Variants in C14orf39 observed in about 807,000 individuals in gnomAD.
The protein encoded by C14orf39 is protein SIX6OS1.
A neutral mutation model predicts 85.6 loss-of-function variants in C14orf39; 66 were observed. The observed-to-expected ratio is 0.77, with a 90% CI of 0.63 to 0.95. The LOEUF (loss-of-function observed/expected upper bound fraction) is 0.95. Among genes scored for constraint, C14orf39 ranks in the 40% least tolerant of loss-of-function variants. C14orf39 has a pLI of 0.00. For synonymous variants in C14orf39, 242 were observed against 214.0 expected, an observed-to-expected ratio of 1.13 and a Z score of -1.14; for missense variants, 735 against 663.9, an observed-to-expected ratio of 1.11 and a Z score of -1.18.
At chr14:60,479,572 A>G (rs1892542858) in intron 4 of C14orf39, among the ~76,000 whole-genome samples, 1 of 152,158 alleles carries the variant, frequency 6.6e-6, no homozygotes, top group African/African-American at 2.4e-5. Flanking sequence ...ATTCCATAAA[A>G]CATACATGTT....
At chr14:60,514,625 G>C (rs918947266) in intron 1 of C14orf39, among the ~76,000 whole-genome samples, 1 of 152,154 alleles carries the variant, frequency 6.6e-6, no homozygotes, top group Non-Finnish European at 1.5e-5. Flanking sequence ...GGGAGGGAGG[G>C]GAGAAGACGA....
rs997994209 is a variant in C14orf39, at chr14:60,436,775, A to G, written c.*70T>C. ...TAAAAGAAAGCAGTCTTCATGTTTT[A>G]AGCAATAATGTAAATTTATGCCCTC... On this transcript the variant is annotated 3_prime_UTR_variant, in exon 18 of 18. Transcript: ENST00000321731. The G allele has an allele frequency of 2.5e-5, 25 of 980,590 alleles. No individual in the cohort carries two copies. The Admixed American group carries it at 3.6e-4, about 14-fold the overall frequency. 60.7% of individuals were successfully genotyped at this position (980,590 alleles called of 1,614,324 possible).
intron 1 of C14orf39, among the ~76,000 whole-genome samples, chr14:60,505,902 G>A (rs565063851): frequency 6.6e-6 from 1 of 152,264 alleles, no homozygotes; most frequent in South Asian, 2.1e-4. Flanking sequence ...AGTAGGGGCA[G>A]AGCGAGGAGT....
At chr14:60,495,783 T>C (rs928733156) in intron 2 of C14orf39, 7 of 252,088 alleles carry the variant, frequency 2.8e-5, no homozygotes, top group Non-Finnish European at 5.6e-5. Context: ...AATTTGTGCT[T>C]GTAGACGATG....
At chr14:60,497,976 C>T (rs1595494955) in intron 2 of C14orf39, among the ~76,000 whole-genome samples, 2 of 152,196 alleles carry the variant, frequency 1.3e-5, no homozygotes, top group East Asian at 1.9e-4. Context: ...GTTTCTATTG[C>T]CTGCAGCTAC....
At position 60,470,110 on chromosome 14, in the gene C14orf39, C is replaced by T. The variant is rs540345577; in HGVS notation, c.555-457G>A. On this transcript the variant is annotated intron_variant, in intron 7 of 17. Coordinates refer to ENST00000321731, the MANE Select transcript of C14orf39 (RefSeq NM_174978.3). ...ACAGTATGCTGGAGAAAAACAAAAT[C>T]GACCAAATTTCCCTTTTCTTGCTCT... 2.0e-5 allele frequency among the ~76,000 whole-genome samples: 3 copies of T among 151,732 alleles called. No homozygotes were observed. The South Asian group carries it at 6.2e-4, about 32-fold the overall frequency.
chr14:60,452,143 T>G (rs1407448138), intron 16 of C14orf39, among the ~76,000 whole-genome samples: 1 of 143,362 alleles, frequency 7.0e-6, no homozygotes, highest in Admixed American at 7.2e-5. Flanking sequence ...GCCGACATTG[T>G]GCCAACTGCA....
chr14:60,437,936 T>C (rs1024289794), intron 17 of C14orf39, among the ~76,000 whole-genome samples: 1 of 151,606 alleles, frequency 6.6e-6, no homozygotes, highest in Non-Finnish European at 1.5e-5. Flanking sequence ...ACTTATTATA[T>C]TACTTATTAA....
intron 17 of C14orf39, among the ~76,000 whole-genome samples, chr14:60,437,488 G>A (rs1343719402): frequency 6.6e-6 from 1 of 151,946 alleles, no homozygotes; most frequent in Non-Finnish European, 1.5e-5. Flanking sequence ...ATCCCACTAT[G>A]GAATCTGGAC....
upstream of C14orf39, among the ~76,000 whole-genome samples, chr14:60,486,989 A>G (rs1181402111): frequency 6.6e-6 from 1 of 152,102 alleles, no homozygotes; most frequent in African/African-American, 2.4e-5. Context: ...TTGAGGCATA[A>G]TTGACAAATA....
At chr14:60,481,998 C>T (rs1892660656) in intron 4 of C14orf39, among the ~76,000 whole-genome samples, 2 of 152,180 alleles carry the variant, frequency 1.3e-5, no homozygotes, top group South Asian at 2.1e-4. Context: ...GAAAGACCTT[C>T]CTCTCTCAAA....
At chr14:60,449,159 C>T (rs551642618) in intron 16 of C14orf39, among the ~76,000 whole-genome samples, 15 of 152,258 alleles carry the variant, frequency 9.9e-5, no homozygotes, top group African/African-American at 3.4e-4. Context: ...ATGTTGTGCA[C>T]ATTACCCTAG....
intron 16 of C14orf39, among the ~76,000 whole-genome samples, chr14:60,442,963 C>T (rs1333933300): frequency 6.6e-6 from 1 of 152,024 alleles, no homozygotes; most frequent in Non-Finnish European, 1.5e-5. Context: ...CGTTAATTAA[C>T]TATTTGCAAT....
chr14:60,456,623 A>C (rs553690566), intron 15 of C14orf39, among the ~76,000 whole-genome samples: 2 of 152,100 alleles, frequency 1.3e-5, no homozygotes, highest in South Asian at 4.2e-4. Context: ...TTGCTTTATA[A>C]GTACGTGGGA....
At chr14:60,482,309 A>G (rs915887214) in intron 4 of C14orf39, among the ~76,000 whole-genome samples, 2 of 152,220 alleles carry the variant, frequency 1.3e-5, no homozygotes, top group African/African-American at 4.8e-5. Flanking sequence ...TCAAAATAAA[A>G]GAAAATGGTC....
chr14:60,468,533 T>C lies in C14orf39; in HGVS notation c.679A>G (p.Ile227Val), dbSNP rs747765539. 2 of 1,560,120 alleles carry C rather than the reference T, an allele frequency of 1.3e-6. No individual in the cohort carries two copies. Among genetic ancestry groups the C allele is most frequent in the Non-Finnish European group, 1.7e-6 (2 of 1,150,948 alleles). Residue 227 changes from isoleucine (I) to valine (V), a missense_variant, in exon 9 of 18, where the codon ATA becomes GTA. Ile to Val is a conservative substitution (Grantham distance 29). Transcript: ENST00000321731. ...GCCTTAGTTTCATTATGCCTAGATA[T>C]CTGCTAAAAAGACAATTGGGAACAC... ...EIEINYLNQQ[I>V]SRHNETKALS...
Position 60,466,922 on chromosome 14 carries a change from A to G in C14orf39, c.890T>C (p.Val297Ala). ...PIKMHSSEPRVADIKEESSAK... is the reference protein window; with the variant it reads ...PIKMHSSEPRAADIKEESSAK... ...ATAACAAACAGATATTATACCTGCAACTCTTGGTTCTGAAGAATGCATCTT... is the reference window on the plus strand; with the variant it reads ...ATAACAAACAGATATTATACCTGCAGCTCTTGGTTCTGAAGAATGCATCTT... The change falls in exon 10 of 18, where the codon GTT becomes GCT. Residue 297 changes from valine to alanine, a missense_variant. Val to Ala is a moderately conservative substitution (Grantham distance 64). Transcript: ENST00000321731. 6.7e-7 allele frequency: 1 copy of G among 1,483,594 alleles called. No homozygotes were observed. Among genetic ancestry groups the G allele is most frequent in the Non-Finnish European group, 8.9e-7 (1 of 1,121,896 alleles). 91.9% of individuals were successfully genotyped at this position (1,483,594 alleles called of 1,614,324 possible).
At chr14:60,473,622 G>T (rs1326104379) in intron 5 of C14orf39, among the ~76,000 whole-genome samples, 1 of 152,118 alleles carries the variant, frequency 6.6e-6, no homozygotes, top group African/African-American at 2.4e-5. Context: ...TCTACATATG[G>T]CTAGCCAGTT....
intron 13 of C14orf39, among the ~76,000 whole-genome samples, chr14:60,460,400 A>G (rs979737532): frequency 6.6e-5 from 10 of 151,984 alleles, no homozygotes; most frequent in Non-Finnish European, 1.5e-4. Flanking sequence ...GAATAAGCAT[A>G]TTGTGTTGGA....
Sources: gnomAD v4.1 joint callset for allele counts (sites outside exome capture counted in the v4.1 genomes callset) on GRCh38, gnomAD v4.1.1 for gene constraint, MANE v1.5 for transcripts, NCBI Gene and HGNC (gene_info 2026-07-23, HGNC 2026-07-21) for gene names.